TMEFF2: variants seen among roughly 807,000 people sequenced by gnomAD.
TMEFF2 encodes the protein tomoregulin-2.
A neutral mutation model predicts 53.8 loss-of-function variants in TMEFF2; 28 were observed. The observed-to-expected ratio is 0.52, with a 90% CI of 0.39 to 0.71. The LOEUF is 0.71. Among genes scored for constraint, TMEFF2 ranks in the 30% least tolerant of loss-of-function variants. The pLI, the probability that TMEFF2 is intolerant of heterozygous loss-of-function variation, is 0.00. For missense variants in TMEFF2, 353 were observed against 455.2 expected (o/e 0.78, Z 2.04); for synonymous variants, 162 against 166.3 (o/e 0.97, Z 0.20).
At chr2:191,957,792 A>T (rs1455775347) in intron 7 of TMEFF2, among the ~76,000 whole-genome samples, 1 of 152,186 alleles carries the variant, frequency 6.6e-6, no homozygotes, top group Admixed American at 6.5e-5. Flanking sequence ...TTAAATCATT[A>T]GTTTGTTTCT....
intron 4 of TMEFF2, among the ~76,000 whole-genome samples, chr2:192,169,579 T>G (rs1690857216): frequency 6.6e-6 from 1 of 152,136 alleles, no homozygotes; most frequent in South Asian, 2.1e-4. Flanking sequence ...AAGTATTCTA[T>G]GTAAATATTC....
At chr2:192,031,024 A>T (rs1323059196) in intron 5 of TMEFF2, among the ~76,000 whole-genome samples, 3 of 152,304 alleles carry the variant, frequency 2.0e-5, no homozygotes, top group East Asian at 3.9e-4. Flanking sequence ...GTTTGCTGTG[A>T]TCTGGGACAG....
intron 5 of TMEFF2, among the ~76,000 whole-genome samples, chr2:192,050,509 T>G (rs1251761766): frequency 2.0e-5 from 3 of 152,172 alleles, no homozygotes; most frequent in African/African-American, 4.8e-5. Context: ...TGGTTAGTTG[T>G]TGTTGGTGGT....
chr2:192,048,599 T>C (rs1199183137), intron 5 of TMEFF2, among the ~76,000 whole-genome samples: 4 of 152,176 alleles, frequency 2.6e-5, no homozygotes, highest in Non-Finnish European at 5.9e-5. Flanking sequence ...ATATTTTAAG[T>C]GCTAAATTAA....
chr2:192,172,519 C>T (rs111694341), intron 4 of TMEFF2, among the ~76,000 whole-genome samples: 15 of 152,014 alleles, frequency 9.9e-5, no homozygotes, highest in African/African-American at 3.6e-4. Flanking sequence ...CCTTCTACTG[C>T]TACTTACACA....
chr2:192,116,616 T>C (rs2356946), intron 4 of TMEFF2, among the ~76,000 whole-genome samples: 64,608 of 151,870 alleles, frequency 0.43, 13,961 homozygotes, highest in South Asian at 0.49. Context: ...AATTTTGTAG[T>C]TTTGTTCAAG....
At chr2:192,119,860 A>G (rs1197696322) in intron 4 of TMEFF2, among the ~76,000 whole-genome samples, 1 of 152,200 alleles carries the variant, frequency 6.6e-6, no homozygotes, top group Admixed American at 6.5e-5. Flanking sequence ...ATTAAGAAAC[A>G]TTATCAACTT....
In TMEFF2 at chr2:192,158,584, G is replaced by A. The variant is rs540011962; in HGVS notation, c.439+21084C>T. Reference sequence around the variant, plus strand: ...ATTACCCATGGTTACACTGACTACTGAAAATTAGCATTTCCCCTATGTTTT... The same window carrying A: ...ATTACCCATGGTTACACTGACTACTAAAAATTAGCATTTCCCCTATGTTTT... On this transcript the variant is annotated intron_variant, in intron 4 of 9. Transcript: ENST00000272771. Among the ~76,000 whole-genome samples the A allele has an allele frequency of 6.6e-5, 10 of 152,128 alleles. No individual in the cohort carries two copies. The South Asian group carries it at 2.1e-3, about 32-fold the overall frequency.
intron 7 of TMEFF2, among the ~76,000 whole-genome samples, chr2:191,987,303 G>A (rs1371305987): frequency 6.6e-6 from 1 of 152,156 alleles, no homozygotes; most frequent in African/African-American, 2.4e-5. Flanking sequence ...CTGCCATAAG[G>A]TGATGGTCAA....
intron 4 of TMEFF2, among the ~76,000 whole-genome samples, chr2:192,132,759 C>T (rs1471484227): frequency 5.3e-5 from 8 of 152,166 alleles, no homozygotes; most frequent in Admixed American, 2.6e-4. Flanking sequence ...TTCCTCCAAG[C>T]CATGTCCCAT....
At chr2:192,020,600 A>G (rs1205739316) in intron 5 of TMEFF2, among the ~76,000 whole-genome samples, 1 of 152,120 alleles carries the variant, frequency 6.6e-6, no homozygotes, top group Admixed American at 6.5e-5. Flanking sequence ...AATAGCAAAG[A>G]AAATACAAAT....
chr2:192,055,052 TAAA>T (rs1006755330), intron 5 of TMEFF2, among the ~76,000 whole-genome samples: 3 of 151,842 alleles, frequency 2.0e-5, no homozygotes. Context: ...TTAAAATTCT[TAAA>T]AAAAAGAGAC....
chr2:192,141,022 T>C (rs1055540446), intron 4 of TMEFF2, among the ~76,000 whole-genome samples: 1 of 152,176 alleles, frequency 6.6e-6, no homozygotes, highest in East Asian at 1.9e-4. Flanking sequence ...TTATCCTAAA[T>C]ATGCTTATGA....
At chr2:192,112,379 C>A (rs577062451) in intron 4 of TMEFF2, among the ~76,000 whole-genome samples, 111 of 152,278 alleles carry the variant, frequency 7.3e-4, no homozygotes, top group African/African-American at 2.5e-3. Flanking sequence ...TTTACTGCCC[C>A]ACTGGATTTT....
At chr2:192,115,214 C>T (rs1232716915) in intron 4 of TMEFF2, among the ~76,000 whole-genome samples, 1 of 151,936 alleles carries the variant, frequency 6.6e-6, no homozygotes, top group Non-Finnish European at 1.5e-5. Flanking sequence ...ATCAAAACAA[C>T]ATGGTAGTGG....
chr2:192,123,250 T>A (rs1194048978), intron 4 of TMEFF2, among the ~76,000 whole-genome samples: 2 of 152,190 alleles, frequency 1.3e-5, no homozygotes, highest in African/African-American at 4.8e-5. Flanking sequence ...GCAGCATCTG[T>A]TTTTCACATT....
At chr2:192,096,381 T>C (rs1688903775) in intron 4 of TMEFF2, among the ~76,000 whole-genome samples, 1 of 152,142 alleles carries the variant, frequency 6.6e-6, no homozygotes, top group Non-Finnish European at 1.5e-5. Context: ...GGTACTATTA[T>C]AAGAGGTTTC....
intron 5 of TMEFF2, among the ~76,000 whole-genome samples, chr2:192,011,505 G>A (rs1227231188): frequency 6.6e-6 from 1 of 152,196 alleles, no homozygotes; most frequent in African/African-American, 2.4e-5. Flanking sequence ...GTACAAAATG[G>A]TTTTGCTCTT....
intron 7 of TMEFF2, among the ~76,000 whole-genome samples, chr2:191,992,925 A>G (rs1686142154): frequency 6.6e-6 from 1 of 152,068 alleles, no homozygotes; most frequent in Non-Finnish European, 1.5e-5. Flanking sequence ...GTCAGTCCCA[A>G]AGCTGGGACT....
Sources: allele counts gnomAD v4.1 joint callset (sites outside exome capture counted in the v4.1 genomes callset), GRCh38; gene constraint gnomAD v4.1.1; transcripts MANE v1.5; gene names NCBI Gene and HGNC (gene_info 2026-07-23, HGNC 2026-07-21).